Variants in ANO10 observed in about 807,000 individuals in gnomAD.
The protein encoded by ANO10 is anoctamin 10.
Under a neutral mutation model 74.7 loss-of-function variants are expected in ANO10, and 77 were observed. The observed-to-expected ratio is 1.03, with a 90% CI of 0.86 to 1.25. The LOEUF (loss-of-function observed/expected upper bound fraction) is 1.25, where lower values mean the gene tolerates loss of function less well. Ranked by LOEUF, ANO10 falls within the 50% of genes most tolerant of loss-of-function variation. The probability of loss-of-function intolerance (pLI) is 0.00; values close to 1 mark genes in which losing one functional copy is unlikely to be tolerated. For synonymous variants in ANO10, 279 were observed against 284.9 expected (o/e 0.98, Z 0.21); for missense variants, 721 against 778.1 (o/e 0.93, Z 0.87).
At chr3:43,432,903 C>T (rs989928939) in intron 11 of ANO10, among the ~76,000 whole-genome samples, 176 bp from the exon 12 acceptor site, 3 of 146,692 alleles carry the variant, frequency 2.0e-5, no homozygotes, top group African/African-American at 7.5e-5. Context: ...GTGAGTCCAC[C>T]CTGTTGTGGT....
chr3:43,519,942 T>C (rs187533216), intron 11 of ANO10, among the ~76,000 whole-genome samples: 1 of 152,152 alleles, frequency 6.6e-6, no homozygotes, highest in Non-Finnish European at 1.5e-5. Context: ...AATTTCAGAA[T>C]GTAGAGGTCC....
chr3:43,619,453 C>T (rs1458389326), intron 1 of ANO10, among the ~76,000 whole-genome samples: 1 of 152,134 alleles, frequency 6.6e-6, no homozygotes. Flanking sequence ...CTAAGATGTT[C>T]ACATCTGGGG....
chr3:43,648,007 C>T lies in ANO10; in HGVS notation c.-11-42144G>A, dbSNP rs374762583. 7.5e-4 allele frequency among the ~76,000 whole-genome samples: 114 copies of T among 152,316 alleles called. 1 individual carries two copies. The highest frequency in any genetic ancestry group is 2.7e-3 in the African/African-American group (111 of 41,564). On this transcript the variant is annotated intron_variant, in intron 1 of 3. Transcript: ENST00000413397. ...TGCCCAACTCATTGTTACATTCTTT[C>T]TTCACCTCTCTCAAGGGAACCAACC...
intron 1 of ANO10, among the ~76,000 whole-genome samples, chr3:43,611,104 G>A (rs6441786): frequency 0.6 from 90,992 of 152,022 alleles, 27,965 homozygotes; most frequent in East Asian, 0.89. Flanking sequence ...TTTCCACACA[G>A]TTGGAGTTAG....
chr3:43,420,150 T>C (rs1212767069), intron 12 of ANO10, among the ~76,000 whole-genome samples: 2 of 152,170 alleles, frequency 1.3e-5, no homozygotes, highest in African/African-American at 4.8e-5. Context: ...GCATTGGAAA[T>C]CAAGTAAAAA....
chr3:43,616,694 A>G (rs901475705), intron 1 of ANO10, among the ~76,000 whole-genome samples: 1 of 152,010 alleles, frequency 6.6e-6, no homozygotes, highest in African/African-American at 2.4e-5. Flanking sequence ...TCTTGTGCCC[A>G]TTTTCAGTCA....
chr3:43,683,133 G>A (rs2084224031), intron 1 of ANO10, among the ~76,000 whole-genome samples: 1 of 152,214 alleles, frequency 6.6e-6, no homozygotes, highest in Non-Finnish European at 1.5e-5. Flanking sequence ...AAAAGAGGAA[G>A]TCTAATTGTC....
chr3:43,503,450 C>A (rs374710418), intron 11 of ANO10, among the ~76,000 whole-genome samples: 10 of 152,240 alleles, frequency 6.6e-5, no homozygotes, highest in South Asian at 6.2e-4. Flanking sequence ...GGGGAGTAGG[C>A]CCATAGATCA....
intron 1 of ANO10, among the ~76,000 whole-genome samples, chr3:43,678,496 G>C (rs1267205661): frequency 1.3e-5 from 2 of 152,174 alleles, no homozygotes; most frequent in Non-Finnish European, 2.9e-5. Context: ...CATTGTATGG[G>C]AAAGCACTGT....
At chr3:43,396,076 A>AT (rs747310692) in intron 12 of ANO10, among the ~76,000 whole-genome samples, 3,281 of 148,662 alleles carry the variant, frequency 0.022, 101 homozygotes, top group East Asian at 0.13. Context: ...TTATTTATTT[A>AT]TTTTTTTTTT....
chr3:43,650,227 G>T (rs968616620), intron 1 of ANO10, among the ~76,000 whole-genome samples: 2 of 152,174 alleles, frequency 1.3e-5, no homozygotes, highest in Admixed American at 1.3e-4. Flanking sequence ...ATAGAATTGG[G>T]AAGATGATCT....
intron 9 of ANO10, among the ~76,000 whole-genome samples, chr3:43,560,239 TCAC>T (rs942803664): frequency 7.9e-5 from 12 of 152,258 alleles, no homozygotes; most frequent in African/African-American, 2.9e-4. Context: ...AAAATCCTCA[TCAC>T]CACCACAAGA....
chr3:43,600,512 T>C lies in ANO10; in HGVS notation c.209A>G (p.Tyr70Cys). 2 of 1,613,932 alleles carry C rather than the reference T, an allele frequency of 1.2e-6. No individual in the cohort carries two copies. The highest frequency in any genetic ancestry group is 1.7e-6 in the Non-Finnish European group (2 of 1,179,816). The change falls in exon 3 of 13, where the codon TAT becomes TGT. Residue 70 changes from tyrosine (Y) to cysteine (C), a missense_variant. By Grantham distance (194) the Tyr-to-Cys change is radical. Transcript: ENST00000292246. Reference sequence around the variant, plus strand: ...TCTAATCTTGGAGGCACCAACAAGATATAAGTTCTGATTTTCTAGTGTTTC... The same window carrying C: ...TCTAATCTTGGAGGCACCAACAAGACATAAGTTCTGATTTTCTAGTGTTTC... ...EQETLENQNL[Y>C]LVGASKIRML...
chr3:43,568,451 C>G (rs1300546802), intron 7 of ANO10, among the ~76,000 whole-genome samples: 6 of 152,036 alleles, frequency 3.9e-5, no homozygotes, highest in Non-Finnish European at 8.8e-5. Flanking sequence ...CACTCCTCAG[C>G]AAATGTAAAA....
chr3:43,528,751 C>G (rs1303881849), intron 11 of ANO10, among the ~76,000 whole-genome samples: 1 of 152,016 alleles, frequency 6.6e-6, no homozygotes, highest in Non-Finnish European at 1.5e-5. Context: ...ATATTAAAAA[C>G]TGTAACTTAC....
intron 11 of ANO10, among the ~76,000 whole-genome samples, chr3:43,473,564 A>G (rs13098202): frequency 0.22 from 33,820 of 152,114 alleles, 4,303 homozygotes; most frequent in Middle Eastern, 0.36. Context: ...AATTTACCAG[A>G]ATGGTAGGAA....
chr3:43,467,586 G>A (rs1437609616), intron 11 of ANO10, among the ~76,000 whole-genome samples: 1 of 152,204 alleles, frequency 6.6e-6, no homozygotes, highest in Non-Finnish European at 1.5e-5. Flanking sequence ...GCCTGTGCTG[G>A]GGAGTAGAAG....
At chr3:43,431,067 ATTTTC>A (rs1352649755) in intron 12 of ANO10, among the ~76,000 whole-genome samples, 3 of 147,236 alleles carry the variant, frequency 2.0e-5, no homozygotes, top group Admixed American at 2.0e-4. Context: ...TAATCCTCTA[ATTTTC>A]TTTTCTTTTT....
chr3:43,482,813 C>T lies in ANO10; in HGVS notation c.1798-50086G>A, dbSNP rs903366838. Among the ~76,000 whole-genome samples, 5 of 152,120 alleles carry T rather than the reference C, an allele frequency of 3.3e-5. No individual in the cohort carries two copies. In the East Asian group the frequency reaches 7.7e-4, roughly 23 times the overall value. On this transcript the variant is annotated intron_variant, in intron 11 of 12. Transcript: ENST00000292246. ...TGCAAGGATGGGTTGCAGGGTGGAG[C>T]CTAGGCTGGGTGCTCATGTGCTCAC...
Sources: gnomAD v4.1 joint callset for allele counts (sites outside exome capture counted in the v4.1 genomes callset) on GRCh38, gnomAD v4.1.1 for gene constraint, MANE v1.5 for transcripts, NCBI Gene and HGNC (gene_info 2026-07-23, HGNC 2026-07-21) for gene names.